The following GLYATL1B variants were observed in gnomAD, a reference collection of about 807,000 sequenced individuals.
GLYATL1B encodes glycine-N-acyltransferase like 1B.
In GLYATL1B, 6 loss-of-function variants were observed where a neutral mutation model predicts 5.5. The observed-to-expected ratio is 1.09, with a 90% CI of 0.60 to 2.15. The LOEUF is 2.15. Ranked by LOEUF, GLYATL1B falls within the 30% of genes most tolerant of loss-of-function variation. The pLI is 0.00. For synonymous variants in GLYATL1B, 67 were observed against 34.9 expected (o/e 1.92, Z -3.24); for missense variants, 135 against 94.1 (o/e 1.43, Z -1.80).
At chr11:59,091,545 C>A (rs1188903685) in intron 2 of GLYATL1B, among the ~76,000 whole-genome samples, 4 of 152,124 alleles carry the variant, frequency 2.6e-5, no homozygotes, top group Admixed American at 2.6e-4. Context: ...CATTTATGTC[C>A]ATGTATGTTC....
chr11:59,090,073 TTAAG>T (rs1272661799), intron 2 of GLYATL1B, among the ~76,000 whole-genome samples: 5 of 152,120 alleles, frequency 3.3e-5, no homozygotes, highest in Non-Finnish European at 7.4e-5. Context: ...GTGCTATTTA[TTAAG>T]TAAGTCATTC....
intron 2 of GLYATL1B, among the ~76,000 whole-genome samples, chr11:59,092,979 T>G (rs1437023302): frequency 6.6e-6 from 1 of 152,216 alleles, no homozygotes; most frequent in Admixed American, 6.5e-5. Context: ...CTTAGAGAAA[T>G]CATGGTTAAA....
chr11:59,094,016 C>T lies in GLYATL1B; in HGVS notation c.396C>T (p.Leu132=), dbSNP rs1458218916. 14 of 714,132 alleles carry T rather than the reference C, an allele frequency of 2.0e-5. No individual in the cohort carries two copies. The highest frequency in any genetic ancestry group is 3.6e-5 in the African/African-American group (2 of 56,036). 44.2% of individuals were successfully genotyped at this position (714,132 alleles called of 1,614,324 possible). A position where few individuals can be genotyped will look rare whatever the true frequency, so the allele number is the denominator to read the frequency against. ...SVKVEHSRAL[L]FVTEDILKLY... Reference sequence around the variant, plus strand: ...AGGTAGAGCATTCGAGAGCACTCCTCTTTGTTACGGAAGATATCCTGAAGC... The same window carrying T: ...AGGTAGAGCATTCGAGAGCACTCCTTTTTGTTACGGAAGATATCCTGAAGC... The change falls in exon 4 of 5, where the codon CTC becomes CTT. Residue 132 remains leucine (L), a synonymous_variant. Coordinates refer to ENST00000527482, the MANE Select transcript of GLYATL1B (RefSeq NM_001355566.1).
Position 59,093,617 on chromosome 11 carries a change from C to A in GLYATL1B, c.275C>A (p.Ser92Tyr), listed in dbSNP as rs1859367538. 6 of 490,020 alleles carry A rather than the reference C, an allele frequency of 1.2e-5. No individual in the cohort carries two copies. The highest frequency in any genetic ancestry group is 2.2e-5 in the Non-Finnish European group (6 of 272,892). The allele number at this position is 490,020 out of a possible 1,614,324, so 30.4% of individuals were successfully genotyped here. A position where few individuals can be genotyped will look rare whatever the true frequency, so the allele number is the denominator to read the frequency against. Residue 92 changes from serine (S) to tyrosine (Y), a missense_variant, in exon 3 of 5, where the codon TCT (serine) becomes TAT (tyrosine). Ser to Tyr is a moderately radical substitution (Grantham distance 144). Coordinates refer to ENST00000527482, the MANE Select transcript of GLYATL1B (RefSeq NM_001355566.1). ...AAATCACAAGAAGTTTTGAAAAATTCTGAGATCATAAACTGGAAACAGAAA... is the reference window on the plus strand; with the variant it reads ...AAATCACAAGAAGTTTTGAAAAATTATGAGATCATAAACTGGAAACAGAAA... ...PQKSQEVLKN[S>Y]EIINWKQKLQ...
chr11:59,089,751 A>T (rs1338851542), intron 2 of GLYATL1B, among the ~76,000 whole-genome samples: 1 of 152,172 alleles, frequency 6.6e-6, no homozygotes, highest in African/African-American at 2.4e-5. Flanking sequence ...TGTATGCTAC[A>T]AATTTGTTGC....
chr11:59,092,380 T>C lies in GLYATL1B; in HGVS notation c.187-1149T>C, dbSNP rs377468418. Among the ~76,000 whole-genome samples, 11 of 152,306 alleles carry C rather than the reference T, an allele frequency of 7.2e-5. No homozygotes were observed. In the East Asian group the frequency reaches 2.1e-3, roughly 29 times the overall value. ...TTTTCTAGTCTACTTTGATATTCTT[T>C]TTATAATTCTTTGAATATTTACTTG... is the stretch of plus-strand genomic sequence containing the variant. On this transcript the variant is annotated intron_variant, in intron 2 of 4. Transcript: ENST00000527482.
intron 2 of GLYATL1B, among the ~76,000 whole-genome samples, chr11:59,091,796 G>C (rs1230391992): frequency 1.3e-5 from 2 of 152,092 alleles, no homozygotes; most frequent in Non-Finnish European, 2.9e-5. Context: ...CAATAGCAAA[G>C]ACATGGAATC....
intron 2 of GLYATL1B, among the ~76,000 whole-genome samples, chr11:59,089,768 T>G (rs111556454): frequency 1.2e-4 from 18 of 152,316 alleles, no homozygotes; most frequent in Middle Eastern, 6.8e-3. Flanking sequence ...TTGCCCAATT[T>G]AGAATTATTT....
intron 2 of GLYATL1B, among the ~76,000 whole-genome samples, chr11:59,092,998 G>C (rs1346080897): frequency 1.3e-5 from 2 of 152,196 alleles, no homozygotes; most frequent in African/African-American, 2.4e-5. Flanking sequence ...AATTCATCTT[G>C]TGCCGAGCTT....
At chr11:59,093,874 T>G (rs531415329) in intron 3 of GLYATL1B, 60 bp from the exon 4 acceptor site, 426 of 589,084 alleles carry the variant, frequency 7.2e-4, no homozygotes, top group Middle Eastern at 1.3e-3. Context: ...TAATCAGGTG[T>G]GAGCAGTGTA....
At chr11:59,087,458 T>G (rs1014566567) in intron 2 of GLYATL1B, among the ~76,000 whole-genome samples, 2 of 151,516 alleles carry the variant, frequency 1.3e-5, no homozygotes, top group African/African-American at 4.9e-5. Context: ...CTGCAGGGGC[T>G]GAATGGAGGC....
intron 2 of GLYATL1B, among the ~76,000 whole-genome samples, chr11:59,093,309 G>A (rs1859359032): frequency 1.3e-5 from 2 of 152,212 alleles, no homozygotes; most frequent in South Asian, 4.1e-4. Context: ...TTTATAACCA[G>A]TAACTGTCAG....
chr11:59,088,223 T>C (rs1859232020), intron 2 of GLYATL1B, among the ~76,000 whole-genome samples: 1 of 152,232 alleles, frequency 6.6e-6, no homozygotes. Context: ...ACTTAGTATA[T>C]AGCACATAAT....
At chr11:59,089,654 A>G (rs1332744469) in intron 2 of GLYATL1B, among the ~76,000 whole-genome samples, 2 of 152,036 alleles carry the variant, frequency 1.3e-5, no homozygotes, top group Non-Finnish European at 2.9e-5. Flanking sequence ...TGAACTGTTT[A>G]TATTGTTTGA....
chr11:59,092,342 G>A (rs770116728), intron 2 of GLYATL1B, among the ~76,000 whole-genome samples: 3 of 151,712 alleles, frequency 2.0e-5, no homozygotes, highest in East Asian at 1.9e-4. Flanking sequence ...TTTACAAATT[G>A]TTCCATTTGT....
chr11:59,087,824 G>T lies in GLYATL1B; in HGVS notation c.186+653G>T, dbSNP rs149874798. ...GATCACACCACTCTACTCTAGCCTG[G>T]CCAACAGAGTGAGACCCTGTCATGA... On this transcript the variant is annotated intron_variant, in intron 2 of 4. Coordinates refer to ENST00000527482, the MANE Select transcript of GLYATL1B (RefSeq NM_001355566.1). Among the ~76,000 whole-genome samples the T allele has an allele frequency of 5.0e-3, 768 of 152,248 alleles. 7 individuals carry two copies. The highest frequency in any genetic ancestry group is 0.017 in the African/African-American group (718 of 41,534).
chr11:59,093,907 A>G, intron 3 of GLYATL1B, 27 bp from the exon 4 acceptor site: 1 of 650,508 alleles, frequency 1.5e-6, no homozygotes, highest in Non-Finnish European at 2.8e-6. Flanking sequence ...CATGTCTGAC[A>G]ATATTGCTTT....
At chr11:59,091,758 A>G (rs1378442301) in intron 2 of GLYATL1B, among the ~76,000 whole-genome samples, 2 of 152,220 alleles carry the variant, frequency 1.3e-5, no homozygotes, top group Non-Finnish European at 2.9e-5. Context: ...TGACACATGC[A>G]CTAGGATGTT....
At chr11:59,088,735 AAATAT>A (rs1464128248) in intron 2 of GLYATL1B, among the ~76,000 whole-genome samples, 28 of 152,212 alleles carry the variant, frequency 1.8e-4, no homozygotes, top group Non-Finnish European at 5.9e-5. Context: ...AAAAATATTA[AAATAT>A]AAAAGTTCCA....
Sources: gnomAD v4.1 joint callset for allele counts (sites outside exome capture counted in the v4.1 genomes callset) on GRCh38, gnomAD v4.1.1 for gene constraint, MANE v1.5 for transcripts, NCBI Gene and HGNC (gene_info 2026-07-23, HGNC 2026-07-21) for gene names.